Variants in COLEC11 observed in about 807,000 individuals in gnomAD.
COLEC11 encodes the protein collectin subfamily member 11.
COLEC11 carries 20 observed loss-of-function variants against 27.3 expected under a neutral mutation model. The ratio of observed to expected loss-of-function variants is 0.73; its 90% CI spans 0.51 to 1.06. The LOEUF (loss-of-function observed/expected upper bound fraction) is 1.06, where lower values mean the gene tolerates loss of function less well. COLEC11 is among the 50% of genes least tolerant of loss of function. The pLI, the probability that COLEC11 is intolerant of heterozygous loss-of-function variation, is 0.00. For missense variants in COLEC11, 310 were observed against 383.0 expected, an observed-to-expected ratio of 0.81 and a Z score of 1.59; for synonymous variants, 163 against 154.7, an observed-to-expected ratio of 1.05 and a Z score of -0.40.
At chr2:3,604,607 C>G in intron 2 of COLEC11, 137 bp downstream of exon 2, 1 of 967,476 alleles carries the variant, frequency 1.0e-6, no homozygotes, top group Non-Finnish European at 1.6e-6. Flanking sequence ...TCAGTTTCCC[C>G]ATCTGGAAAT....
At chr2:3,624,901 G>A (rs1235069702) in intron 3 of COLEC11, among the ~76,000 whole-genome samples, 1 of 152,128 alleles carries the variant, frequency 6.6e-6, no homozygotes, top group Non-Finnish European at 1.5e-5. Context: ...ATTCCTCAAG[G>A]GTAGGGATTT....
intron 3 of COLEC11, among the ~76,000 whole-genome samples, chr2:3,615,902 C>A (rs986159922): frequency 1.5e-5 from 2 of 136,856 alleles, no homozygotes; most frequent in African/African-American, 5.1e-5. Flanking sequence ...GCGGGGGCTG[C>A]CCCCCACCTC....
intron 3 of COLEC11, among the ~76,000 whole-genome samples, chr2:3,631,952 G>T (rs1162205072): frequency 6.6e-6 from 1 of 152,206 alleles, no homozygotes; most frequent in Non-Finnish European, 1.5e-5. Context: ...CTGTACCCGG[G>T]GTGGAAGTCT....
intron 3 of COLEC11, 24 bp downstream of exon 3, chr2:3,613,406 C>G (rs760903441): frequency 3.2e-6 from 5 of 1,568,950 alleles, no homozygotes; most frequent in Non-Finnish European, 4.3e-6. Flanking sequence ...TGGGCCGGCC[C>G]TCAGAGCTCT....
intron 3 of COLEC11, among the ~76,000 whole-genome samples, chr2:3,629,432 T>A (rs731034): frequency 6.6e-5 from 10 of 152,190 alleles, no homozygotes; most frequent in African/African-American, 2.4e-4. Flanking sequence ...GCCTAGGTGC[T>A]GACCAACTGT....
rs545696049 is a variant in COLEC11 at position 3,630,747 on chromosome 2, T to C, written c.203-6786T>C. 9.2e-5 allele frequency among the ~76,000 whole-genome samples: 14 copies of C among 152,320 alleles called. No homozygotes were observed. In the East Asian group the frequency reaches 1.2e-3, roughly 13 times the overall value. On this transcript the variant is annotated intron_variant, in intron 3 of 6. Coordinates refer to ENST00000349077, the MANE Select transcript of COLEC11 (RefSeq NM_024027.5). ...GGCCAACTTTCTCAAAACCCTCTGATAGTAGGTACATGTTATTCTTCTTTG... is the reference window on the plus strand; with the variant it reads ...GGCCAACTTTCTCAAAACCCTCTGACAGTAGGTACATGTTATTCTTCTTTG...
At chr2:3,595,661 C>G (rs1037823201) in intron 1 of COLEC11, among the ~76,000 whole-genome samples, 9 of 152,166 alleles carry the variant, frequency 5.9e-5, no homozygotes, top group Non-Finnish European at 1.3e-4. Context: ...AAAGGTGGGC[C>G]TTGCTTTGGC....
At chr2:3,617,090 T>C (rs997754753) in intron 3 of COLEC11, among the ~76,000 whole-genome samples, 19 of 152,312 alleles carry the variant, frequency 1.2e-4, no homozygotes, top group African/African-American at 4.3e-4. Context: ...GACCCAGTAG[T>C]GACATTGTTG....
At chr2:3,637,636 C>T (rs1444745328) in intron 4 of COLEC11, 32 bp downstream of exon 4, 2 of 1,562,990 alleles carry the variant, frequency 1.3e-6, no homozygotes, top group African/African-American at 1.4e-5. Context: ...CCTCATTTCC[C>T]CCCTGCCCCT....
At chr2:3,606,336 C>T (rs1662696799) in intron 2 of COLEC11, 3 of 1,095,028 alleles carry the variant, frequency 2.7e-6, no homozygotes, top group Non-Finnish European at 4.0e-6. Context: ...GGGTCCTTCC[C>T]AGCTGTCCAC....
chr2:3,603,594 G>C (rs937449235), intron 1 of COLEC11: 32 of 1,544,878 alleles, frequency 2.1e-5, no homozygotes, highest in African/African-American at 4.1e-5. Flanking sequence ...TGGAATTACA[G>C]GTGTGAGCCA....
At chr2:3,616,491 C>T (rs780188444) in intron 3 of COLEC11, among the ~76,000 whole-genome samples, 171 of 152,246 alleles carry the variant, frequency 1.1e-3, no homozygotes, top group Non-Finnish European at 2.0e-3. Flanking sequence ...GTGAACGAGA[C>T]TCCGTCTGCA....
In COLEC11 at chr2:3,609,352, A is replaced by ATT. The variant is rs567474674; in HGVS notation, c.131-3926_131-3925dup. On this transcript the variant is annotated intron_variant, in intron 2 of 6. Transcript: ENST00000349077. The stretch of plus-strand genomic sequence containing the variant: ...TGTTACTATGAACTATTTTTCTTTG[A>ATT]TTTTTTTTTTTTTTTTTTTTTTTTT... Among the ~76,000 whole-genome samples, 44 of 87,490 alleles carry ATT rather than the reference A, an allele frequency of 5.0e-4. 2 individuals are homozygous for ATT. The highest frequency in any genetic ancestry group is 1.4e-3 in the African/African-American group (23 of 17,032). The allele number at this position is 87,490 out of a possible 152,430, so 57.4% of individuals were successfully genotyped here.
intron 2 of COLEC11, among the ~76,000 whole-genome samples, chr2:3,611,637 C>G (rs1475835911): frequency 6.6e-6 from 1 of 152,168 alleles, no homozygotes; most frequent in Non-Finnish European, 1.5e-5. Context: ...GGGTGTTGAT[C>G]GTGGGTCAGC....
chr2:3,636,015 T>G (rs908376823), intron 3 of COLEC11, among the ~76,000 whole-genome samples: 1 of 152,274 alleles, frequency 6.6e-6, no homozygotes, highest in Non-Finnish European at 1.5e-5. Flanking sequence ...TGTTCCATCC[T>G]CTGGTTTCTG....
intron 1 of COLEC11, among the ~76,000 whole-genome samples, chr2:3,596,892 G>A (rs1037810652): frequency 4.6e-5 from 7 of 152,242 alleles, no homozygotes; most frequent in African/African-American, 1.7e-4. Flanking sequence ...TCCTTCGGGC[G>A]CCTGGGTGCC....
At position 3,617,828 on chromosome 2, in the gene COLEC11, C is replaced by CT. The variant is rs547405413; in HGVS notation, c.202+4449dup. 6.9e-3 allele frequency: 4,591 copies of CT among 667,016 alleles called. 46 individuals are homozygous for CT. Among genetic ancestry groups the CT allele is most frequent in the Non-Finnish European group, 0.01 (3,773 of 371,698 alleles). 41.3% of individuals were successfully genotyped at this position (667,016 alleles called of 1,614,324 possible). A position where few individuals can be genotyped will look rare whatever the true frequency, so the allele number is the denominator to read the frequency against. On this transcript the variant is annotated intron_variant, in intron 3 of 6. Coordinates refer to ENST00000349077, the MANE Select transcript of COLEC11 (RefSeq NM_024027.5). ...CCACCAGCAATGTCTAAGGGCTCGC[C>CT]TTTCTCCACATCTTCTCCAATGCTT...
chr2:3,637,323 A>G (rs1328183533), intron 3 of COLEC11, among the ~76,000 whole-genome samples: 2 of 152,294 alleles, frequency 1.3e-5, no homozygotes, highest in South Asian at 2.1e-4. Context: ...GGGGAAGTGC[A>G]TCTTCCTTTG....
At chr2:3,622,528 G>A (rs1664258294) in intron 3 of COLEC11, among the ~76,000 whole-genome samples, 1 of 152,190 alleles carries the variant, frequency 6.6e-6, no homozygotes, top group Non-Finnish European at 1.5e-5. Flanking sequence ...TAATGTAATA[G>A]TATTGAGAGA....
Sources: gnomAD v4.1 joint callset for allele counts (sites outside exome capture counted in the v4.1 genomes callset) on GRCh38, gnomAD v4.1.1 for gene constraint, MANE v1.5 for transcripts, NCBI Gene and HGNC (gene_info 2026-07-23, HGNC 2026-07-21) for gene names.